The following TAF1B variants were observed in gnomAD, a reference collection of about 807,000 sequenced individuals.
The protein encoded by TAF1B is TATA-box binding protein associated factor, RNA polymerase I subunit B.
Under a neutral mutation model 83.9 loss-of-function variants are expected in TAF1B, and 61 were observed. That is an observed-to-expected ratio of 0.73 (90% CI 0.59 to 0.90). TAF1B has a LOEUF of 0.90. Among genes scored for constraint, TAF1B ranks in the 40% least tolerant of loss-of-function variants. TAF1B has a pLI of 0.00. For missense variants in TAF1B, 625 were observed against 677.0 expected, an observed-to-expected ratio of 0.92 and a Z score of 0.85; for synonymous variants, 221 against 224.6, an observed-to-expected ratio of 0.98 and a Z score of 0.14.
intron 14 of TAF1B, among the ~76,000 whole-genome samples, chr2:9,932,487 A>G (rs538101308): frequency 3.3e-5 from 5 of 152,356 alleles, no homozygotes; most frequent in African/African-American, 7.2e-5. Context: ...TTGCCTGGGT[A>G]TCACCAGTGG....
intron 7 of TAF1B, among the ~76,000 whole-genome samples, chr2:9,881,125 G>A (rs1664490824): frequency 6.6e-6 from 1 of 152,104 alleles, no homozygotes; most frequent in Non-Finnish European, 1.5e-5. Context: ...CTTGAGGTCA[G>A]GAGTTTAAGA....
At chr2:9,887,188 A>G (rs1464643674) in intron 8 of TAF1B, among the ~76,000 whole-genome samples, 2 of 150,554 alleles carry the variant, frequency 1.3e-5, no homozygotes, top group East Asian at 3.9e-4. Context: ...TTTTCTCAGT[A>G]TTGTATCACA....
At chr2:9,903,277 G>C (rs1290844881) in intron 8 of TAF1B, among the ~76,000 whole-genome samples, 2 of 151,986 alleles carry the variant, frequency 1.3e-5, no homozygotes, top group African/African-American at 4.8e-5. Context: ...AGTAGAGAGG[G>C]GGTTTCACCG....
chr2:9,882,028 G>A (rs1294929411), intron 7 of TAF1B, among the ~76,000 whole-genome samples: 6 of 152,072 alleles, frequency 3.9e-5, no homozygotes, highest in Non-Finnish European at 4.4e-5. Flanking sequence ...CCTATCATGC[G>A]AGGGGAGCTA....
At chr2:9,893,930 A>G (rs1194117585) in intron 8 of TAF1B, among the ~76,000 whole-genome samples, 1 of 152,208 alleles carries the variant, frequency 6.6e-6, no homozygotes, top group Non-Finnish European at 1.5e-5. Context: ...ACCAGGCTTC[A>G]TAGCTTACAG....
At chr2:9,850,519 TC>T (rs2125134934) in intron 3 of TAF1B, among the ~76,000 whole-genome samples, 1 of 152,262 alleles carries the variant, frequency 6.6e-6, no homozygotes, top group East Asian at 1.9e-4. Flanking sequence ...TTGAGACAAT[TC>T]GAGACCCTTT....
chr2:9,864,885 A>T (rs1443283893), intron 5 of TAF1B, among the ~76,000 whole-genome samples: 1 of 152,234 alleles, frequency 6.6e-6, no homozygotes, highest in East Asian at 1.9e-4. Context: ...GACAAAATTC[A>T]ACAACGCTTC....
At chr2:9,888,039 A>G (rs1664733087) in intron 8 of TAF1B, among the ~76,000 whole-genome samples, 1 of 152,154 alleles carries the variant, frequency 6.6e-6, no homozygotes, top group Admixed American at 6.5e-5. Flanking sequence ...AATTTTTTTT[A>G]GAGACGTGGT....
At chr2:9,929,347 A>G (rs1666141524) in intron 14 of TAF1B, among the ~76,000 whole-genome samples, 1 of 152,078 alleles carries the variant, frequency 6.6e-6, no homozygotes. Flanking sequence ...TTTAGTAAAG[A>G]CGGGGTTTCA....
In TAF1B at chr2:9,854,425, A is replaced by C. The variant is rs1663493631; in HGVS notation, c.399+4A>C. On this transcript the variant is annotated splice_donor_region_variant and intron_variant, in intron 5 of 14. Coordinates refer to ENST00000263663, the MANE Select transcript of TAF1B (RefSeq NM_005680.3). ...TACCACTGGAAGGAAACCTACGGTAAGTCACAAGTCTGAAAAGTTGGATTA... is the reference window on the plus strand; with the variant it reads ...TACCACTGGAAGGAAACCTACGGTACGTCACAAGTCTGAAAAGTTGGATTA... 6.2e-7 allele frequency: 1 copy of C among 1,607,478 alleles called. No homozygotes were observed. Among genetic ancestry groups the C allele is most frequent in the African/African-American group, 1.3e-5 (1 of 74,756 alleles).
At chr2:9,864,788 C>T (rs1230677463) in intron 5 of TAF1B, among the ~76,000 whole-genome samples, 10 of 151,984 alleles carry the variant, frequency 6.6e-5, no homozygotes, top group South Asian at 2.1e-4. Flanking sequence ...GTTCAACATA[C>T]AAAAATCAAT....
chr2:9,857,834 TG>T (rs1003253986), intron 5 of TAF1B, among the ~76,000 whole-genome samples: 4 of 152,084 alleles, frequency 2.6e-5, no homozygotes, highest in African/African-American at 7.2e-5. Flanking sequence ...GAGAACAGCA[TG>T]GGGGAAGCCA....
intron 1 of TAF1B, chr2:9,844,616 T>C (rs1367957201): frequency 6.6e-6 from 1 of 152,334 alleles, no homozygotes; most frequent in Non-Finnish European, 1.5e-5. Flanking sequence ...TTACTGATGA[T>C]GGTTGGCTAA....
chr2:9,856,925 A>G (rs181463003), intron 5 of TAF1B, among the ~76,000 whole-genome samples: 30 of 152,334 alleles, frequency 2.0e-4, no homozygotes, highest in African/African-American at 7.2e-4. Context: ...TATATCCATT[A>G]AATATTTCCT....
At chr2:9,885,248 T>A (rs893013363) in intron 8 of TAF1B, among the ~76,000 whole-genome samples, 3 of 152,222 alleles carry the variant, frequency 2.0e-5, no homozygotes, top group African/African-American at 7.2e-5. Context: ...AGGTGTCTGC[T>A]TTATATGTAA....
chr2:9,848,827 C>G (rs1302903561), intron 2 of TAF1B, among the ~76,000 whole-genome samples: 3 of 152,036 alleles, frequency 2.0e-5, no homozygotes, highest in African/African-American at 7.3e-5. Context: ...ATTGAAGACT[C>G]TGATATGAAT....
rs568318938 is a variant in TAF1B at position 9,895,890 on chromosome 2, A to G, written c.808-8969A>G. Among the ~76,000 whole-genome samples the G allele has an allele frequency of 2.0e-5, 3 of 147,868 alleles. No individual in the cohort carries two copies. In the South Asian group the frequency reaches 6.4e-4, roughly 32 times the overall value. On this transcript the variant is annotated intron_variant, in intron 8 of 14. Transcript: ENST00000263663. The stretch of plus-strand genomic sequence containing the variant: ...ACAGGGTATTGTAATCAGGTTTATC[A>G]CAGGAGCCTGCTGTTGTGTAACAGA...
chr2:9,920,024 C>T (rs1417255394), intron 14 of TAF1B, among the ~76,000 whole-genome samples: 4 of 152,188 alleles, frequency 2.6e-5, no homozygotes, highest in African/African-American at 9.7e-5. Context: ...ACTATCCCCT[C>T]TAGCTAAATT....
At chr2:9,884,113 AGC>A (rs2125155878) in intron 8 of TAF1B, among the ~76,000 whole-genome samples, 1 of 152,350 alleles carries the variant, frequency 6.6e-6, no homozygotes, top group South Asian at 2.1e-4. Context: ...CACCTGCTGC[AGC>A]GGGGCAGGCA....
Sources: allele counts gnomAD v4.1 joint callset (sites outside exome capture counted in the v4.1 genomes callset), GRCh38; gene constraint gnomAD v4.1.1; transcripts MANE v1.5; gene names NCBI Gene and HGNC (gene_info 2026-07-23, HGNC 2026-07-21).